The following ABCC11 variants were observed in gnomAD, a reference collection of about 807,000 sequenced individuals.
The protein encoded by ABCC11 is ATP-binding cassette sub-family C member 11.
A neutral mutation model predicts 149.3 loss-of-function variants in ABCC11; 135 were observed. The observed-to-expected ratio is 0.90, with a 90% CI of 0.79 to 1.04. ABCC11 has a LOEUF of 1.04. Among genes scored for constraint, ABCC11 ranks in the 50% least tolerant of loss-of-function variants. The pLI is 0.00. For synonymous variants in ABCC11, 665 were observed against 671.4 expected (o/e 0.99, Z 0.15); for missense variants, 1,680 against 1,722.1 (o/e 0.98, Z 0.43).
intron 20 of ABCC11, among the ~76,000 whole-genome samples, chr16:48,190,873 C>A (rs568589524): frequency 5.9e-5 from 9 of 152,262 alleles, no homozygotes; most frequent in Non-Finnish European, 1.2e-4. Context: ...AACCAGACTT[C>A]CAGCAGGAGA....
intron 20 of ABCC11, among the ~76,000 whole-genome samples, chr16:48,188,694 T>A (rs568131664): frequency 6.6e-6 from 1 of 152,318 alleles, no homozygotes; most frequent in African/African-American, 2.4e-5. Flanking sequence ...ATTACGCAAG[T>A]GGTTAATGGC....
At chr16:48,239,389 C>T (rs1409819246) in intron 1 of ABCC11, among the ~76,000 whole-genome samples, 1 of 151,866 alleles carries the variant, frequency 6.6e-6, no homozygotes, top group East Asian at 1.9e-4. Flanking sequence ...AGTGAAACCC[C>T]GTCTCTACCA....
chr16:48,185,020 T>C (rs1449473371), intron 22 of ABCC11, among the ~76,000 whole-genome samples: 1 of 152,172 alleles, frequency 6.6e-6, no homozygotes, highest in Non-Finnish European at 1.5e-5. Context: ...ATTCTGCTAC[T>C]AGGAGGGGAG....
At chr16:48,230,986 T>C (rs1483049069) in intron 2 of ABCC11, among the ~76,000 whole-genome samples, 3 of 152,112 alleles carry the variant, frequency 2.0e-5, no homozygotes, top group Non-Finnish European at 4.4e-5. Context: ...AAAGGACAGG[T>C]AATTTTTAGG....
intron 23 of ABCC11, among the ~76,000 whole-genome samples, chr16:48,184,214 G>A (rs1321285641): frequency 1.3e-5 from 2 of 152,184 alleles, no homozygotes; most frequent in Non-Finnish European, 2.9e-5. Flanking sequence ...AGTGTCCTGT[G>A]ATCCTATTAA....
chr16:48,219,381 A>G (rs1228783555), intron 6 of ABCC11, among the ~76,000 whole-genome samples: 1 of 152,098 alleles, frequency 6.6e-6, no homozygotes, highest in Non-Finnish European at 1.5e-5. Flanking sequence ...CTGTTGCCAA[A>G]GCTGGTCACA....
intron 23 of ABCC11, among the ~76,000 whole-genome samples, chr16:48,183,281 G>T (rs150610028): frequency 2.6e-5 from 4 of 152,208 alleles, no homozygotes; most frequent in Admixed American, 6.5e-5. Context: ...CTGCCAAGCC[G>T]GCCTCAGGCC....
intron 1 of ABCC11, among the ~76,000 whole-genome samples, chr16:48,236,809 T>C (rs962393943): frequency 6.6e-6 from 1 of 152,234 alleles, no homozygotes; most frequent in Non-Finnish European, 1.5e-5. Flanking sequence ...ACATCTTCTA[T>C]AGAGCAGCAT....
chr16:48,235,739 A>G (rs758465957), intron 1 of ABCC11, among the ~76,000 whole-genome samples: 5 of 152,220 alleles, frequency 3.3e-5, no homozygotes, highest in Non-Finnish European at 5.9e-5. Context: ...TGTAGTCAGG[A>G]TGGAAACCAG....
At position 48,224,419 on chromosome 16, in the gene ABCC11, G is replaced by T; in HGVS notation, c.406C>A (p.Leu136Ile). ...SDKNVQRLHR[L>I]WEEEVSRRGI... ...CGCCTTGAGACTTCTTCTTCCCAAAGGCGGTGAAGCCTTGAAAAGAGGATA... is the reference window on the plus strand; with the variant it reads ...CGCCTTGAGACTTCTTCTTCCCAAATGCGGTGAAGCCTTGAAAAGAGGATA... The change falls in exon 5 of 30, where the codon CTT becomes ATT. Residue 136 changes from leucine (L) to isoleucine (I), a missense_variant. Transcript: ENST00000356608. 1.2e-6 allele frequency: 2 copies of T among 1,614,162 alleles called. No homozygotes were observed. Among genetic ancestry groups the T allele is most frequent in the Non-Finnish European group, 1.7e-6 (2 of 1,180,012 alleles).
intron 1 of ABCC11, among the ~76,000 whole-genome samples, chr16:48,239,478 C>T (rs1970851373): frequency 1.4e-5 from 2 of 145,232 alleles, no homozygotes; most frequent in African/African-American, 2.6e-5. Context: ...AGGAGAATGG[C>T]GTGAACCCAG....
At chr16:48,168,533 T>C (rs1965485027) in intron 28 of ABCC11, among the ~76,000 whole-genome samples, 1 of 152,192 alleles carries the variant, frequency 6.6e-6, no homozygotes, top group Non-Finnish European at 1.5e-5. Context: ...GGAGAAGGTA[T>C]GTGCATATGC....
chr16:48,244,478 C>A, intron 1 of ABCC11: 1 of 1,600,214 alleles, frequency 6.2e-7, no homozygotes, highest in African/African-American at 1.3e-5. Flanking sequence ...CCACCATGCG[C>A]ACCAGCGTGG....
At chr16:48,215,114 GA>G (rs140002745) in intron 8 of ABCC11, 82 bp downstream of exon 8, 16 of 1,577,288 alleles carry the variant, frequency 1.0e-5, no homozygotes, top group East Asian at 9.0e-5. Context: ...GCATTAAAAA[GA>G]AAAAAAATCC....
At chr16:48,246,028 T>C (rs1214596864) in intron 1 of ABCC11, among the ~76,000 whole-genome samples, 1 of 152,182 alleles carries the variant, frequency 6.6e-6, no homozygotes, top group Non-Finnish European at 1.5e-5. Flanking sequence ...TGTCTTATTT[T>C]TCCTCAAAAT....
chr16:48,198,242 C>A lies in ABCC11; in HGVS notation c.2116G>T (p.Glu706Ter). The change falls in exon 16 of 30, where the codon GAA becomes TAA. Residue 706 changes from glutamate to a stop codon, truncating the protein, a stop_gained. Coordinates refer to ENST00000356608, the MANE Select transcript of ABCC11 (RefSeq NM_001370497.1). LOFTEE classifies it high-confidence loss of function. ...CCATTTTCACAGATTTTCCCATTTT[C>A]CAACAAAATGATCTGGCCACAAAAT... The part of the protein sequence containing the change: ...LEFCGQIILL[E>*]NGKICENGTH... 2 of 1,614,156 alleles carry A rather than the reference C, an allele frequency of 1.2e-6. No individual in the cohort carries two copies. The highest frequency in any genetic ancestry group is 1.3e-5 in the African/African-American group (1 of 75,024).
At chr16:48,171,135 C>T (rs558162185) in intron 26 of ABCC11, among the ~76,000 whole-genome samples, 168 bp from the exon 27 acceptor site, 1 of 152,340 alleles carries the variant, frequency 6.6e-6, no homozygotes, top group African/African-American at 2.4e-5. Context: ...GCACCTGTTC[C>T]TTCTGCAGGC....
intron 23 of ABCC11, among the ~76,000 whole-genome samples, chr16:48,183,682 G>C (rs939113265): frequency 1.3e-5 from 2 of 152,252 alleles, no homozygotes; most frequent in Non-Finnish European, 2.9e-5. Context: ...AGAATCAAGT[G>C]AACCCAGGAG....
intron 24 of ABCC11, 63 bp downstream of exon 24, chr16:48,178,534 G>A (rs1374080497): frequency 6.6e-7 from 1 of 1,510,442 alleles, no homozygotes; most frequent in East Asian, 2.3e-5. Flanking sequence ...GGCTTGTAGA[G>A]GTCACAGAAG....
Sources: allele counts gnomAD v4.1 joint callset (sites outside exome capture counted in the v4.1 genomes callset), GRCh38; gene constraint gnomAD v4.1.1; transcripts MANE v1.5; gene names NCBI Gene and HGNC (gene_info 2026-07-23, HGNC 2026-07-21).